CDH23: variants seen among roughly 807,000 people sequenced by gnomAD.
The protein encoded by CDH23 is cadherin related 23.
A neutral mutation model predicts 317.1 loss-of-function variants in CDH23; 189 were observed. The ratio of observed to expected loss-of-function variants is 0.60; its 90% CI spans 0.53 to 0.67. The LOEUF (loss-of-function observed/expected upper bound fraction) is 0.67, where lower values mean the gene tolerates loss of function less well. CDH23 is among the 30% of genes least tolerant of loss of function. CDH23 has a pLI of 0.00. For missense variants in CDH23, 4,401 were observed against 4,592.4 expected (o/e 0.96, Z 1.20); for synonymous variants, 1,839 against 1,876.8 (o/e 0.98, Z 0.52).
At chr10:71,526,100 G>A (rs1435785907) in intron 6 of CDH23, among the ~76,000 whole-genome samples, 1 of 152,228 alleles carries the variant, frequency 6.6e-6, no homozygotes, top group African/African-American at 2.4e-5. Flanking sequence ...GCATCGCTGA[G>A]GGGGTGGAGC....
At chr10:71,475,278 T>C (rs922391189) in intron 3 of CDH23, among the ~76,000 whole-genome samples, 5 of 152,210 alleles carry the variant, frequency 3.3e-5, no homozygotes, top group Non-Finnish European at 5.9e-5. Context: ...CTCTCCAGCC[T>C]GCTGGGACCT....
chr10:71,489,816 C>T (rs181087462), intron 3 of CDH23, among the ~76,000 whole-genome samples: 1 of 152,268 alleles, frequency 6.6e-6, no homozygotes, highest in East Asian at 1.9e-4. Flanking sequence ...ATACCCAGGC[C>T]GTGTGAATTT....
intron 28 of CDH23, chr10:71,713,277 C>T (rs1866063808): frequency 1.3e-6 from 1 of 779,442 alleles, no homozygotes; most frequent in East Asian, 2.4e-5. Flanking sequence ...GGAGCAGGCG[C>T]AACAGCTCCA....
In CDH23 at chr10:71,560,340, C is replaced by G. The variant is rs137913881; in HGVS notation, c.430-6402C>G. ...GTGAAAGTGTGCAATTTTGAAGTAC[C>G]CTCCTTCCTTCCTAAGCTCTTTTTT... is the stretch of plus-strand genomic sequence containing the variant. On this transcript the variant is annotated intron_variant, in intron 6 of 69. Transcript: ENST00000224721. Among the ~76,000 whole-genome samples, 4 of 150,664 alleles carry G rather than the reference C, an allele frequency of 2.7e-5. No homozygotes were observed. In the South Asian group the frequency reaches 6.3e-4, roughly 24 times the overall value.
chr10:71,768,227 G>A (rs1291961940), intron 38 of CDH23, among the ~76,000 whole-genome samples: 2 of 152,174 alleles, frequency 1.3e-5, no homozygotes, highest in African/African-American at 4.8e-5. Flanking sequence ...CTGGAGTTCA[G>A]TGGTGCAATC....
intron 28 of CDH23, chr10:71,715,654 G>A (rs1022629835): frequency 1.0e-4 from 31 of 308,774 alleles, no homozygotes; most frequent in Admixed American, 8.1e-4. Context: ...GTACCCTGTG[G>A]AGCCTCAGGC....
chr10:71,777,666 A>G lies in CDH23; in HGVS notation c.4846-14A>G. 2 of 1,601,092 alleles carry G rather than the reference A, an allele frequency of 1.2e-6. No individual in the cohort carries two copies. Among genetic ancestry groups the G allele is most frequent in the Non-Finnish European group, 1.7e-6 (2 of 1,174,262 alleles). On this transcript the variant is annotated splice_polypyrimidine_tract_variant and intron_variant, in intron 38 of 69. Coordinates refer to ENST00000224721, the MANE Select transcript of CDH23 (RefSeq NM_022124.6). The stretch of plus-strand genomic sequence containing the variant: ...GGCCACCTGACCAAGGACGTGACCC[A>G]CTCTTTTCCACAGGCCACCACGCAC...
At chr10:71,770,533 G>A (rs540122305) in intron 38 of CDH23, among the ~76,000 whole-genome samples, 1 of 152,350 alleles carries the variant, frequency 6.6e-6, no homozygotes, top group South Asian at 2.1e-4. Flanking sequence ...AAGCCACAGT[G>A]CTGATCCCTG....
intron 11 of CDH23, among the ~76,000 whole-genome samples, chr10:71,622,489 C>T (rs999583021): frequency 2.0e-5 from 3 of 152,118 alleles, no homozygotes; most frequent in Admixed American, 6.6e-5. Context: ...CATCCCCCTC[C>T]GAAGAGTCAG....
intron 41 of CDH23, among the ~76,000 whole-genome samples, chr10:71,779,950 T>C (rs1042183783): frequency 4.6e-5 from 7 of 152,106 alleles, no homozygotes; most frequent in African/African-American, 1.4e-4. Context: ...CTCATTACTA[T>C]AGAGTGGGAA....
At chr10:71,667,409 T>G (rs1479670347) in intron 14 of CDH23, among the ~76,000 whole-genome samples, 1 of 144,810 alleles carries the variant, frequency 6.9e-6, no homozygotes, top group African/African-American at 2.5e-5. Context: ...CGTGTGTGTG[T>G]GAGGGGTGGA....
intron 1 of CDH23, among the ~76,000 whole-genome samples, chr10:71,427,244 AG>A (rs59247498): frequency 3.2e-5 from 1 of 31,736 alleles, no homozygotes; most frequent in South Asian, 1.0e-3. Context: ...AAAGAAAGAA[AG>A]GGAAAGAAAG....
intron 3 of CDH23, among the ~76,000 whole-genome samples, chr10:71,450,062 G>A (rs1302659939): frequency 2.0e-5 from 3 of 152,200 alleles, no homozygotes; most frequent in African/African-American, 4.8e-5. Flanking sequence ...TGCTCCAGAC[G>A]TTAATATCAG....
intron 41 of CDH23, among the ~76,000 whole-genome samples, chr10:71,783,947 G>A (rs559606302): frequency 6.6e-6 from 1 of 152,310 alleles, no homozygotes; most frequent in South Asian, 2.1e-4. Context: ...GGGTGCTAGT[G>A]TAGCAAGAAG....
At chr10:71,499,013 C>T (rs527432355) in intron 3 of CDH23, among the ~76,000 whole-genome samples, 4 of 152,198 alleles carry the variant, frequency 2.6e-5, no homozygotes, top group African/African-American at 9.6e-5. Flanking sequence ...CCTAAGTGTC[C>T]GTCAATGATA....
intron 22 of CDH23, 39 bp downstream of exon 22, chr10:71,695,564 T>C: frequency 7.0e-7 from 1 of 1,422,556 alleles, no homozygotes; most frequent in Non-Finnish European, 9.9e-7. Flanking sequence ...CAGGCGGCCC[T>C]TCCCAGGGGT....
intron 3 of CDH23, among the ~76,000 whole-genome samples, chr10:71,458,140 C>A (rs1040135730): frequency 1.3e-5 from 2 of 152,268 alleles, no homozygotes; most frequent in Non-Finnish European, 2.9e-5. Flanking sequence ...CATCACTCCC[C>A]TCATCAGGAC....
intron 6 of CDH23, among the ~76,000 whole-genome samples, chr10:71,515,048 G>T (rs536940390): frequency 2.0e-5 from 3 of 152,326 alleles, no homozygotes; most frequent in Admixed American, 2.0e-4. Context: ...CAGCCCTCCA[G>T]TGTGCCCCAG....
At chr10:71,563,336 G>A (rs870111) in intron 6 of CDH23, among the ~76,000 whole-genome samples, 8,982 of 152,064 alleles carry the variant, frequency 0.059, 331 homozygotes, top group East Asian at 0.11. Context: ...TGGCTTCCTC[G>A]TTTAGGAGCC....
Sources: allele counts gnomAD v4.1 joint callset (sites outside exome capture counted in the v4.1 genomes callset), GRCh38; gene constraint gnomAD v4.1.1; transcripts MANE v1.5; gene names NCBI Gene and HGNC (gene_info 2026-07-23, HGNC 2026-07-21).